The following RAPGEF4 variants were observed in gnomAD, a reference collection of about 807,000 sequenced individuals.
RAPGEF4 encodes Rap guanine nucleotide exchange factor 4, also known as RAP guanine-nucleotide-exchange factor (GEF) 4.
RAPGEF4 carries 66 observed loss-of-function variants against 147.9 expected under a neutral mutation model. The observed-to-expected ratio is 0.45, with a 90% CI of 0.37 to 0.55. The LOEUF (loss-of-function observed/expected upper bound fraction) is 0.55. RAPGEF4 is among the 20% of genes least tolerant of loss of function. The probability of loss-of-function intolerance (pLI) is 0.00; values close to 1 mark genes in which losing one functional copy is unlikely to be tolerated. For synonymous variants in RAPGEF4, 419 were observed against 442.7 expected, an observed-to-expected ratio of 0.95 and a Z score of 0.67; for missense variants, 1,071 against 1,257.3, an observed-to-expected ratio of 0.85 and a Z score of 2.24.
At chr2:172,842,178 G>A (rs1234223986) in intron 4 of RAPGEF4, among the ~76,000 whole-genome samples, 2 of 152,118 alleles carry the variant, frequency 1.3e-5, no homozygotes, top group African/African-American at 2.4e-5. Flanking sequence ...GGTTCAATTT[G>A]GAGGGCACAA....
chr2:172,889,760 A>C, intron 4 of RAPGEF4: 1 of 906,420 alleles, frequency 1.1e-6, no homozygotes, highest in Non-Finnish European at 1.3e-6. Context: ...CAGCAAGGAA[A>C]ATTTTAAAAA....
chr2:172,873,828 A>G (rs182638251), intron 4 of RAPGEF4, among the ~76,000 whole-genome samples: 6 of 152,364 alleles, frequency 3.9e-5, no homozygotes, highest in East Asian at 1.9e-4. Flanking sequence ...CAGAACCTAC[A>G]AAGAACTCAA....
At chr2:172,927,169 G>T (rs981260497) in intron 6 of RAPGEF4, among the ~76,000 whole-genome samples, 1 of 152,268 alleles carries the variant, frequency 6.6e-6, no homozygotes, top group South Asian at 2.1e-4. Flanking sequence ...AAGATGTAAG[G>T]TTTCAAATGG....
chr2:172,735,741 C>CGGCGGGCGGGCG (rs558674907), upstream of RAPGEF4: 2 of 170,578 alleles, frequency 1.2e-5, no homozygotes, highest in Admixed American at 1.3e-4. Context: ...CGCAGTGCAG[C>CGGCGGGCGGGCG]GGCGGGCGGG....
chr2:172,998,137 C>T (rs1156471676), intron 16 of RAPGEF4, among the ~76,000 whole-genome samples: 1 of 152,146 alleles, frequency 6.6e-6, no homozygotes, highest in South Asian at 2.1e-4. Flanking sequence ...GGAATGTGCA[C>T]ATAACTTGAA....
chr2:172,925,922 A>G (rs1031582190), intron 6 of RAPGEF4, among the ~76,000 whole-genome samples: 1 of 142,030 alleles, frequency 7.0e-6, no homozygotes, highest in Non-Finnish European at 1.5e-5. Context: ...AGAAAGAGTA[A>G]AAAAGAAAGA....
At chr2:172,855,719 A>T (rs1693339183) in intron 4 of RAPGEF4, among the ~76,000 whole-genome samples, 1 of 152,138 alleles carries the variant, frequency 6.6e-6, no homozygotes, top group Non-Finnish European at 1.5e-5. Flanking sequence ...TAGCTTGACA[A>T]ATAGAATTCT....
At chr2:172,972,959 C>G (rs545283895) in intron 10 of RAPGEF4, among the ~76,000 whole-genome samples, 2 of 152,258 alleles carry the variant, frequency 1.3e-5, no homozygotes, top group South Asian at 4.1e-4. Context: ...ACTTTTTACA[C>G]TTAATAACAT....
At chr2:172,906,498 C>T (rs919040412) in intron 4 of RAPGEF4, among the ~76,000 whole-genome samples, 2 of 152,228 alleles carry the variant, frequency 1.3e-5, no homozygotes, top group African/African-American at 4.8e-5. Flanking sequence ...GGGTTTCAGA[C>T]ATATCCCCAG....
chr2:172,959,014 C>A (rs1346997367), intron 6 of RAPGEF4, among the ~76,000 whole-genome samples: 1 of 152,108 alleles, frequency 6.6e-6, no homozygotes, highest in African/African-American at 2.4e-5. Flanking sequence ...AGAGGGAAAA[C>A]TTATCAATTT....
At chr2:172,800,558 AAGAGAT>A (rs1468321100) in intron 3 of RAPGEF4, among the ~76,000 whole-genome samples, 3 of 152,194 alleles carry the variant, frequency 2.0e-5, no homozygotes, top group African/African-American at 4.8e-5. Context: ...CAGAATCACT[AAGAGAT>A]AGAGATAGAG....
intron 11 of RAPGEF4, among the ~76,000 whole-genome samples, chr2:172,983,997 G>A (rs763900018): frequency 1.3e-5 from 2 of 152,180 alleles, no homozygotes; most frequent in Non-Finnish European, 2.9e-5. Flanking sequence ...ACTCCACCAG[G>A]GTTTGCTGCC....
chr2:172,942,096 A>G (rs961511143), intron 6 of RAPGEF4, among the ~76,000 whole-genome samples: 3 of 151,826 alleles, frequency 2.0e-5, no homozygotes, highest in African/African-American at 7.3e-5. Context: ...ATGTGGAATG[A>G]TTAAATCAAG....
chr2:172,995,372 C>T (rs1246131635), intron 15 of RAPGEF4, among the ~76,000 whole-genome samples: 2 of 151,794 alleles, frequency 1.3e-5, no homozygotes, highest in Non-Finnish European at 1.5e-5. Context: ...CTCCGCCTCC[C>T]GGGTTCAAGC....
chr2:172,897,941 G>A (rs531457368), intron 4 of RAPGEF4, among the ~76,000 whole-genome samples: 1 of 152,110 alleles, frequency 6.6e-6, no homozygotes, highest in Non-Finnish European at 1.5e-5. Context: ...AGTGGAACAA[G>A]GTTAGGGGTA....
chr2:172,794,839 G>A (rs1221698896), intron 1 of RAPGEF4, among the ~76,000 whole-genome samples, 186 bp from the exon 2 acceptor site: 1 of 152,174 alleles, frequency 6.6e-6, no homozygotes, highest in Non-Finnish European at 1.5e-5. Context: ...GCGAATAGTT[G>A]GTAAAGCTCC....
At chr2:172,908,324 A>G (rs1025031178) in intron 4 of RAPGEF4, among the ~76,000 whole-genome samples, 29 of 152,234 alleles carry the variant, frequency 1.9e-4, no homozygotes, top group Non-Finnish European at 4.4e-5. Flanking sequence ...TTCTTCTCAC[A>G]TCCCTTTCTG....
chr2:172,959,107 C>A (rs1689028497), intron 6 of RAPGEF4, among the ~76,000 whole-genome samples: 1 of 152,184 alleles, frequency 6.6e-6, no homozygotes, highest in Non-Finnish European at 1.5e-5. Flanking sequence ...TTTTCCATGA[C>A]TGCTATAACA....
chr2:172,808,923 A>G (rs1218245358), intron 3 of RAPGEF4, among the ~76,000 whole-genome samples: 2 of 152,204 alleles, frequency 1.3e-5, no homozygotes, highest in African/African-American at 2.4e-5. Flanking sequence ...CCTGCCTTCC[A>G]GCATGGGCGG....
Sources: allele counts gnomAD v4.1 joint callset (sites outside exome capture counted in the v4.1 genomes callset), GRCh38; gene constraint gnomAD v4.1.1; transcripts MANE v1.5; gene names NCBI Gene and HGNC (gene_info 2026-07-23, HGNC 2026-07-21).